Variants in DNAH14 observed in about 807,000 individuals in gnomAD.
The protein encoded by DNAH14 is axonemal beta dynein heavy chain 14.
Under a neutral mutation model 520.9 loss-of-function variants are expected in DNAH14, and 478 were observed. That is an observed-to-expected ratio of 0.92 (90% CI 0.85 to 0.99). DNAH14 has a LOEUF of 0.99. Among genes scored for constraint, DNAH14 ranks in the 50% least tolerant of loss-of-function variants. DNAH14 has a pLI of 0.00. For missense variants in DNAH14, 4,831 were observed against 5,234.5 expected, an observed-to-expected ratio of 0.92 and a Z score of 2.38; for synonymous variants, 1,581 against 1,757.2, an observed-to-expected ratio of 0.90 and a Z score of 2.51.
intron 73 of DNAH14, chr1:225,354,199 T>A: frequency 1.4e-6 from 1 of 701,934 alleles, no homozygotes; most frequent in Non-Finnish European, 2.6e-6. Context: ...TGCTTCTCCG[T>A]GCCATAAACC....
intron 41 of DNAH14, among the ~76,000 whole-genome samples, chr1:225,227,257 A>C (rs1445526050): frequency 6.6e-6 from 1 of 152,036 alleles, no homozygotes; most frequent in African/African-American, 2.4e-5. Flanking sequence ...ACCTTGGACA[A>C]TACCCAGGCT....
chr1:225,085,550 C>G lies in DNAH14; in HGVS notation c.3334C>G (p.Gln1112Glu). The G allele has an allele frequency of 6.5e-7, 1 of 1,541,656 alleles. No homozygotes were observed. The highest frequency in any genetic ancestry group is 1.4e-5 in the African/African-American group (1 of 72,916). ...VENLLALKMF[Q>E]YENEINDMST... is the part of the protein sequence containing the mutation. ...AATACTTTGTTCATTTTAGATGTTT[C>G]AGTATGAAAATGAAATAAATGATAT... is the stretch of plus-strand genomic sequence containing the variant. The change falls in exon 21 of 86, where the codon CAG (glutamine) becomes GAG (glutamate). Residue 1112 changes from glutamine (Q) to glutamate (E), a missense_variant. Physicochemically the swap from Gln to Glu is conservative, Grantham distance 29. Coordinates refer to ENST00000682510, the MANE Select transcript of DNAH14 (RefSeq NM_001367479.1).
chr1:225,013,391 G>C (rs2064960846), intron 10 of DNAH14, among the ~76,000 whole-genome samples: 1 of 152,148 alleles, frequency 6.6e-6, no homozygotes, highest in South Asian at 2.1e-4. Flanking sequence ...TCCTGTATGA[G>C]GTGTCTGTCG....
At chr1:224,976,198 T>C (rs1182992429) in intron 8 of DNAH14, among the ~76,000 whole-genome samples, 1 of 152,170 alleles carries the variant, frequency 6.6e-6, no homozygotes. Flanking sequence ...AAAATGTATA[T>C]TCTGTTGATT....
intron 1 of DNAH14, among the ~76,000 whole-genome samples, chr1:224,946,231 T>C (rs1284589180): frequency 3.9e-5 from 6 of 152,172 alleles, no homozygotes; most frequent in African/African-American, 1.4e-4. Context: ...GCCTTGCCCT[T>C]TGATCTCAGA....
chr1:225,331,841 G>C (rs1326865665), intron 65 of DNAH14, among the ~76,000 whole-genome samples: 1 of 152,142 alleles, frequency 6.6e-6, no homozygotes, highest in Admixed American at 6.6e-5. Flanking sequence ...GAGGCCCAAA[G>C]TAAACCTTTC....
intron 38 of DNAH14, among the ~76,000 whole-genome samples, 174 bp downstream of exon 38, chr1:225,193,085 C>A (rs2085660688): frequency 6.6e-6 from 1 of 151,982 alleles, no homozygotes; most frequent in South Asian, 2.1e-4. Flanking sequence ...AATGGAAAAT[C>A]TCCCATTGAA....
chr1:225,093,294 C>G (rs1378917843), intron 21 of DNAH14, among the ~76,000 whole-genome samples: 3 of 152,066 alleles, frequency 2.0e-5, no homozygotes, highest in East Asian at 3.9e-4. Context: ...TCTGATGAAG[C>G]AGACTTTATC....
intron 1 of DNAH14, among the ~76,000 whole-genome samples, chr1:224,942,530 G>T (rs1376618466): frequency 5.9e-5 from 9 of 151,966 alleles, no homozygotes; most frequent in Non-Finnish European, 1.3e-4. Flanking sequence ...GGCCAGAACT[G>T]CCAACACTGT....
Position 224,952,878 on chromosome 1 carries a change from A to G in DNAH14, c.77+99A>G. 1.1e-5 allele frequency: 9 copies of G among 784,856 alleles called. 1 individual carries two copies. In the South Asian group the frequency reaches 1.8e-4, roughly 16 times the overall value. 48.6% of individuals were successfully genotyped at this position (784,856 alleles called of 1,614,324 possible). A position where few individuals can be genotyped will look rare whatever the true frequency, so the allele number is the denominator to read the frequency against. On this transcript the variant is annotated intron_variant, in intron 2 of 85. Coordinates refer to ENST00000682510, the MANE Select transcript of DNAH14 (RefSeq NM_001367479.1). ...ATTCTGACAGTGAAAGACTTAAAAT[A>G]TCTTATCAGAATTTATTGATGATTC...
At chr1:225,183,872 G>A (rs577927502) in intron 36 of DNAH14, among the ~76,000 whole-genome samples, 1 of 152,088 alleles carries the variant, frequency 6.6e-6, no homozygotes, top group East Asian at 1.9e-4. Flanking sequence ...GATTCAATCA[G>A]GAGGAAACTG....
In DNAH14 at chr1:225,290,645, G is replaced by GTA. The variant is rs2093855074; in HGVS notation, c.8469+564_8469+565insAT. 9.4e-4 allele frequency among the ~76,000 whole-genome samples: 38 copies of GTA among 40,574 alleles called. 1 individual carries two copies. The highest frequency in any genetic ancestry group is 3.9e-3 in the African/African-American group (31 of 7,924). 26.6% of individuals were successfully genotyped at this position (40,574 alleles called of 152,430 possible). A position where few individuals can be genotyped will look rare whatever the true frequency, so the allele number is the denominator to read the frequency against. On this transcript the variant is annotated intron_variant, in intron 55 of 85. Coordinates refer to ENST00000682510, the MANE Select transcript of DNAH14 (RefSeq NM_001367479.1). Reference sequence around the variant, plus strand: ...TGTATAGATATATGTGTGTGTGTGTGTGTATATATATATATATATATATAT... The same window carrying GTA: ...TGTATAGATATATGTGTGTGTGTGTGTATGTATATATATATATATATATATAT...
At chr1:225,343,276 T>C (rs543418980) in intron 69 of DNAH14, among the ~76,000 whole-genome samples, 2 of 152,352 alleles carry the variant, frequency 1.3e-5, no homozygotes, top group South Asian at 4.1e-4. Context: ...TTGTTCAGCA[T>C]GTTCTTAACC....
At chr1:225,076,018 A>G (rs1173533961) in intron 17 of DNAH14, among the ~76,000 whole-genome samples, 1 of 39,492 alleles carries the variant, frequency 2.5e-5, no homozygotes, top group Non-Finnish European at 1.2e-4. Flanking sequence ...CACTTGGGTG[A>G]ACCTGTTGAC....
In DNAH14 at chr1:225,148,002, T is replaced by C. The variant is rs142663906; in HGVS notation, c.4940+753T>C. On this transcript the variant is annotated intron_variant, in intron 31 of 85. Coordinates refer to ENST00000682510, the MANE Select transcript of DNAH14 (RefSeq NM_001367479.1). The stretch of plus-strand genomic sequence containing the variant: ...TGGCTGCATAGTATTCCATGGTGTA[T>C]ATATACCACATTTTCTTTATCCAGT... Among the ~76,000 whole-genome samples, 3 of 152,350 alleles carry C rather than the reference T, an allele frequency of 2.0e-5. No homozygotes were observed. The East Asian group carries it at 5.8e-4, about 29-fold the overall frequency.
At chr1:225,363,035 T>C (rs920448468) in intron 75 of DNAH14, among the ~76,000 whole-genome samples, 8 of 152,164 alleles carry the variant, frequency 5.3e-5, no homozygotes, top group Admixed American at 5.2e-4. Context: ...CTTGTAATGA[T>C]TTGGTTTGTT....
intron 6 of DNAH14, chr1:224,967,811 A>G: frequency 1.5e-6 from 2 of 1,378,012 alleles, no homozygotes; most frequent in African/African-American, 1.5e-5. Flanking sequence ...TTTTTCATCT[A>G]TCAAATACTT....
intron 10 of DNAH14, among the ~76,000 whole-genome samples, chr1:225,020,046 T>C (rs2065538525): frequency 6.6e-6 from 1 of 151,926 alleles, no homozygotes; most frequent in African/African-American, 2.4e-5. Context: ...TGAAAATCCA[T>C]ACAAAAGATC....
At chr1:225,235,549 CT>C (rs2091514056) in intron 42 of DNAH14, among the ~76,000 whole-genome samples, 1 of 151,980 alleles carries the variant, frequency 6.6e-6, no homozygotes, top group Admixed American at 6.6e-5. Context: ...TAATGATGGC[CT>C]CAGGAAAGGA....
Sources: allele counts gnomAD v4.1 joint callset (sites outside exome capture counted in the v4.1 genomes callset), GRCh38; gene constraint gnomAD v4.1.1; transcripts MANE v1.5; gene names NCBI Gene and HGNC (gene_info 2026-07-23, HGNC 2026-07-21).